Variants in MKI67 observed in about 807,000 individuals in gnomAD.
The protein encoded by MKI67 is marker of proliferation Ki-67.
In MKI67, 152 loss-of-function variants were observed where a neutral mutation model predicts 233.5. The observed-to-expected ratio is 0.65, with a 90% CI of 0.57 to 0.74. MKI67 has a LOEUF of 0.74. Among genes scored for constraint, MKI67 ranks in the 30% least tolerant of loss-of-function variants. The pLI, the probability that MKI67 is intolerant of heterozygous loss-of-function variation, is 0.00. For missense variants in MKI67, 3,940 were observed against 3,885.2 expected (o/e 1.01, Z -0.37); for synonymous variants, 1,465 against 1,418.5 (o/e 1.03, Z -0.74).
At position 128,103,638 on chromosome 10, in the gene MKI67, T is replaced by C. The variant is rs1852398931; in HGVS notation, c.8202A>G (p.Lys2734=). The change falls in exon 13 of 15, where the codon AAA becomes AAG. Residue 2734 remains lysine, a synonymous_variant. Transcript: ENST00000368654. ...LRTRVQKVQV[K]EEPSAVKFTQ... is the part of the protein sequence containing the mutation. ...TGAACTTGACTGCTGAAGGCTCTTC[T>C]TTTACTTGTACCTTCTGCACACGTG... 1 of 1,614,098 alleles carries C rather than the reference T, an allele frequency of 6.2e-7. No homozygotes were observed. Among genetic ancestry groups the C allele is most frequent in the Non-Finnish European group, 8.5e-7 (1 of 1,180,020 alleles).
rs747911886 is a variant in MKI67 at position 128,109,282 on chromosome 10, G to T, written c.2558C>A (p.Ser853Tyr). ...KTPRNTYKMT[S>Y]LETKTSDTET... ...AGTATCTGAAGTTTTTGTCTCCAGAGAAGTCATTTTGTAGGTGTTCCTGGG... is the reference window on the plus strand; with the variant it reads ...AGTATCTGAAGTTTTTGTCTCCAGATAAGTCATTTTGTAGGTGTTCCTGGG... Residue 853 changes from serine to tyrosine, a missense_variant, in exon 13 of 15, where the codon TCT becomes TAT. Coordinates refer to ENST00000368654, the MANE Select transcript of MKI67 (RefSeq NM_002417.5). 1.9e-6 allele frequency: 3 copies of T among 1,614,038 alleles called. No homozygotes were observed. Among genetic ancestry groups the T allele is most frequent in the East Asian group, 2.2e-5 (1 of 44,878 alleles).
rs538773021 is a variant in MKI67 at position 128,102,619 on chromosome 10, T to C, written c.9221A>G (p.Lys3074Arg). The change falls in exon 13 of 15, where the codon AAA (lysine) becomes AGA (arginine). Residue 3074 changes from lysine (K) to arginine (R), a missense_variant. Physicochemically the swap from Lys to Arg is conservative, Grantham distance 26. Coordinates refer to ENST00000368654, the MANE Select transcript of MKI67 (RefSeq NM_002417.5). The part of the protein sequence containing the change: ...ELNSNDMKTN[K>R]EEHKLQDSVP... ...CGAGTCTTGTAATTTGTGTTCCTCT[T>C]TGTTGGTTTTCATGTCGTTGCTGTT... is the stretch of plus-strand genomic sequence containing the variant. 2 of 1,614,212 alleles carry C rather than the reference T, an allele frequency of 1.2e-6. No individual in the cohort carries two copies. The highest frequency in any genetic ancestry group is 4.5e-5 in the East Asian group (2 of 44,886).
intron 14 of MKI67, among the ~76,000 whole-genome samples, chr10:128,100,401 C>T (rs970690092): frequency 5.9e-5 from 9 of 152,096 alleles, no homozygotes; most frequent in Admixed American, 5.9e-4. Context: ...TAGTTTGTGC[C>T]GAAGAGGGTC....
intron 14 of MKI67, among the ~76,000 whole-genome samples, chr10:128,099,635 C>T (rs1301647233): frequency 6.6e-6 from 1 of 152,188 alleles, no homozygotes; most frequent in African/African-American, 2.4e-5. Context: ...ACCAAGGAAC[C>T]CCTGTAGACA....
chr10:128,103,099 G>C lies in MKI67; in HGVS notation c.8741C>G (p.Pro2914Arg). ...QPRAPKEKAQ[P>R]LEDLASFQEL... ...TTGGAAGCTGGCCAGATCTTCCAGG[G>C]GTTGGGCCTTTTCCTTAGGTGCTCT... The change falls in exon 13 of 15, where the codon CCC becomes CGC. Residue 2914 changes from proline to arginine, a missense_variant. By Grantham distance (103) the Pro-to-Arg change is moderately radical. Coordinates refer to ENST00000368654, the MANE Select transcript of MKI67 (RefSeq NM_002417.5). 1.2e-6 allele frequency: 2 copies of C among 1,614,248 alleles called. No homozygotes were observed. Among genetic ancestry groups the C allele is most frequent in the Non-Finnish European group, 1.7e-6 (2 of 1,180,052 alleles).
Position 128,099,181 on chromosome 10 carries a change from A to AT in MKI67, c.*8dup. ...ACTTTATTATATTTTTCCCAGTTCG[A>AT]TTTTTCTGTCAAATATCTTCACTGT... On this transcript the variant is annotated 3_prime_UTR_variant, in exon 15 of 15. Transcript: ENST00000368654. 6.2e-7 allele frequency: 1 copy of AT among 1,604,760 alleles called. No homozygotes were observed. Among genetic ancestry groups the AT allele is most frequent in the Non-Finnish European group, 8.5e-7 (1 of 1,174,658 alleles).
Position 128,125,405 on chromosome 10 carries a change from A to C in MKI67, c.92+171T>G, listed in dbSNP as rs1349409348. 6.6e-6 allele frequency among the ~76,000 whole-genome samples: 1 copy of C among 152,216 alleles called. No homozygotes were observed. Among genetic ancestry groups the C allele is most frequent in the African/African-American group, 2.4e-5 (1 of 41,460 alleles). ...ACATACAAACTAGCATCAAATTTAT[A>C]CTTACAAAACAAAAAAACACAACTA... On this transcript the variant is annotated intron_variant, in intron 2 of 14. Coordinates refer to ENST00000368654, the MANE Select transcript of MKI67 (RefSeq NM_002417.5). This position sits in a 1 kb window ranked among gnomAD's most constrained non-coding sequence, Gnocchi z 5.3.
At position 128,119,282 on chromosome 10, in the gene MKI67, T is replaced by A. The variant is rs779944870; in HGVS notation, c.325A>T (p.Thr109Ser). 44 of 1,609,702 alleles carry A rather than the reference T, an allele frequency of 2.7e-5. No homozygotes were observed. Among genetic ancestry groups the A allele is most frequent in the Non-Finnish European group, 3.5e-5 (41 of 1,176,196 alleles). Residue 109 changes from threonine (T) to serine (S), a missense_variant, in exon 5 of 15, where the codon ACT becomes TCT. Coordinates refer to ENST00000368654, the MANE Select transcript of MKI67 (RefSeq NM_002417.5). ...TCACGTATTTTTCTTGGAAATTCAG[T>A]TGACTTCCTTCCATTCTGAAGACTT... Reference protein sequence around the residue: ...NESLQNGRKSTEFPRKIREQE... With the variant: ...NESLQNGRKSSEFPRKIREQE...
Position 128,122,992 on chromosome 10 carries a change from A to C in MKI67, c.176T>G (p.Ile59Arg). The change falls in exon 4 of 15, where the codon ATA (isoleucine) becomes AGA (arginine). Residue 59 changes from isoleucine (I) to arginine (R), a missense_variant. Coordinates refer to ENST00000368654, the MANE Select transcript of MKI67 (RefSeq NM_002417.5). Reference sequence around the variant, plus strand: ...ATTTGTGGAACTGAAATTATGTAATATTGCCTGCAAGTGAAAAGAAGGGGA... The same window carrying C: ...ATTTGTGGAACTGAAATTATGTAATCTTGCCTGCAAGTGAAAAGAAGGGGA... The part of the protein sequence containing the change: ...CKIEIHEQEA[I>R]LHNFSSTNPT... 2 of 1,595,274 alleles carry C rather than the reference A, an allele frequency of 1.3e-6. No individual in the cohort carries two copies. The highest frequency in any genetic ancestry group is 8.6e-7 in the Non-Finnish European group (1 of 1,163,592).
In MKI67 at chr10:128,101,352, T is replaced by C. The variant is rs1852329186; in HGVS notation, c.9611A>G (p.Lys3204Arg). The C allele has an allele frequency of 1.2e-6, 2 of 1,614,206 alleles. No homozygotes were observed. The highest frequency in any genetic ancestry group is 4.5e-5 in the East Asian group (2 of 44,880). The change falls in exon 14 of 15, where the codon AAG becomes AGG. Residue 3204 changes from lysine (K) to arginine (R), a missense_variant. Physicochemically the swap from Lys to Arg is conservative, Grantham distance 26. Coordinates refer to ENST00000368654, the MANE Select transcript of MKI67 (RefSeq NM_002417.5). ...GCTTGCTGCAGGCTGGCTTTTTGTC[T>C]TTCTTGATCTCAGGCACATGGAGTC... The part of the protein sequence containing the change: ...NSDSMCLRSR[K>R]TKSQPAASTL...
chr10:128,112,998 T>C (rs912559498), intron 8 of MKI67, among the ~76,000 whole-genome samples: 1 of 152,226 alleles, frequency 6.6e-6, no homozygotes, highest in African/African-American at 2.4e-5. Context: ...AAAAGGAAGA[T>C]GTGCCATTGA....
Position 128,101,321 on chromosome 10 carries a change from C to T in MKI67, c.9642G>A (p.Leu3214=), listed in dbSNP as rs1364284524. 1.9e-6 allele frequency: 3 copies of T among 1,614,102 alleles called. No individual in the cohort carries two copies. The highest frequency in any genetic ancestry group is 2.5e-6 in the Non-Finnish European group (3 of 1,180,030). ...TTACTCTCTGCACAGATTTGCTCTC[C>T]AAAGTGCTTGCTGCAGGCTGGCTTT... ...KTKSQPAAST[L]ESKSVQRVTR... The change falls in exon 14 of 15, where the codon TTG becomes TTA. Residue 3214 remains leucine (L), a synonymous_variant. Coordinates refer to ENST00000368654, the MANE Select transcript of MKI67 (RefSeq NM_002417.5).
At chr10:128,110,077 T>C (rs1852636645) in intron 12 of MKI67, among the ~76,000 whole-genome samples, 3 of 152,272 alleles carry the variant, frequency 2.0e-5, no homozygotes, top group Admixed American at 2.0e-4. Context: ...GTAAATATGG[T>C]GAGACACCAT....
In MKI67 at chr10:128,097,403, G is replaced by A. The variant is rs556491835; in HGVS notation, c.*1787C>T. 39 of 152,166 alleles carry A rather than the reference G, an allele frequency of 2.6e-4. No individual in the cohort carries two copies. The highest frequency in any genetic ancestry group is 8.9e-4 in the African/African-American group (37 of 41,524). The allele number at this position is 152,166 out of a possible 1,614,324, so 9.4% of individuals were successfully genotyped here. A position where few individuals can be genotyped will look rare whatever the true frequency, so the allele number is the denominator to read the frequency against. ...CTGTAAAATGAAAACCACCCTTAGC[G>A]TGCTCTTGAAATACTGTACTTACCA... On this transcript the variant is annotated 3_prime_UTR_variant, in exon 15 of 15. Transcript: ENST00000368654.
In MKI67 at chr10:128,125,735, A is replaced by ATAATCCGT; in HGVS notation, c.-69_-68insACGGATTA. The ATAATCCGT allele has an allele frequency of 3.0e-6, 4 of 1,342,740 alleles. No individual in the cohort carries two copies. Among genetic ancestry groups the ATAATCCGT allele is most frequent in the Non-Finnish European group, 4.3e-6 (4 of 933,588 alleles). 83.2% of individuals were successfully genotyped at this position (1,342,740 alleles called of 1,614,324 possible). On this transcript the variant is annotated 5_prime_UTR_variant, in exon 2 of 15. Coordinates refer to ENST00000368654, the MANE Select transcript of MKI67 (RefSeq NM_002417.5). This position sits in a 1 kb window ranked among gnomAD's most constrained non-coding sequence, Gnocchi z 5.3. The stretch of plus-strand genomic sequence containing the variant: ...GGTATAATCCGTAGGGGAAGGCCAG[A>ATAATCCGT]AGCAAATTTACAACTCTTCCACTGC...
Position 128,104,853 on chromosome 10 carries a change from G to C in MKI67, c.6987C>G (p.Asp2329Glu), listed in dbSNP as rs758631366. The change falls in exon 13 of 15, where the codon GAC becomes GAG. Residue 2329 changes from aspartate to glutamate, a missense_variant. Coordinates refer to ENST00000368654, the MANE Select transcript of MKI67 (RefSeq NM_002417.5). ...FKELFQTPGT[D>E]KPTTDEKTTK... ...TAGTTTTCTCATCAGTCGTGGGCTT[G>C]TCAGTGCCTGGTGTCTGGAAGAGCT... 38 of 1,611,540 alleles carry C rather than the reference G, an allele frequency of 2.4e-5. 1 individual carries two copies. The highest frequency in any genetic ancestry group is 1.7e-4 in the Middle Eastern group (1 of 6,044).
rs914638567 is a variant in MKI67, at chr10:128,112,045, A to G, written c.1970T>C (p.Val657Ala). 1 of 1,609,712 alleles carries G rather than the reference A, an allele frequency of 6.2e-7. No individual in the cohort carries two copies. Among genetic ancestry groups the G allele is most frequent in the African/African-American group, 1.3e-5 (1 of 74,492 alleles). ...RSGASEANLI[V>A]AKSWADVVKL... ...TACTACATCTGCCCATGATTTTGCA[A>G]CTGTCAAAGGGAAAAGACGAAACTT... is the stretch of plus-strand genomic sequence containing the variant. Residue 657 changes from valine to alanine, a missense_variant and splice_region_variant, in exon 10 of 15, where the codon GTT becomes GCT. Transcript: ENST00000368654.
rs201295589 is a variant in MKI67, at chr10:128,106,949, G to A, written c.4891C>T (p.Arg1631Ter). The change falls in exon 13 of 15, where the codon CGA becomes TGA. Residue 1631 changes from arginine (R) to a stop codon, truncating the protein, a stop_gained. Transcript: ENST00000368654. LOFTEE classifies it high-confidence loss of function. ...TTCCCCAGGGATGTCTTGAGCCGTC[G>A]CTTGGAGCTTGCTGGGTTTTTGTCT... is the stretch of plus-strand genomic sequence containing the variant. ...DPDKNPASSK[R>*]RLKTSLGKVG... 1.9e-6 allele frequency: 3 copies of A among 1,613,976 alleles called. No homozygotes were observed. The highest frequency in any genetic ancestry group is 1.3e-5 in the African/African-American group (1 of 74,868).
In MKI67 at chr10:128,115,891, C is replaced by T; in HGVS notation, c.517G>A (p.Asp173Asn). Reference protein sequence around the residue: ...KEDSTADDSKDSVAQGTTNVH... With the variant: ...KEDSTADDSKNSVAQGTTNVH... ...TTAGTTGTTCCCTGAGCAACACTGTCTTTTGAGTCATCTGCGGTACTGTCT... is the reference window on the plus strand; with the variant it reads ...TTAGTTGTTCCCTGAGCAACACTGTTTTTTGAGTCATCTGCGGTACTGTCT... Residue 173 changes from aspartate (D) to asparagine (N), a missense_variant, in exon 7 of 15, where the codon GAC becomes AAC. Coordinates refer to ENST00000368654, the MANE Select transcript of MKI67 (RefSeq NM_002417.5). 3 of 1,609,924 alleles carry T rather than the reference C, an allele frequency of 1.9e-6. No individual in the cohort carries two copies. Among genetic ancestry groups the T allele is most frequent in the Non-Finnish European group, 2.5e-6 (3 of 1,180,036 alleles).
Sources: gnomAD v4.1 joint callset for allele counts (sites outside exome capture counted in the v4.1 genomes callset) on GRCh38, gnomAD v4.1.1 for gene constraint, Gnocchi (gnomAD v3.1) non-coding constraint, MANE v1.5 for transcripts, NCBI Gene and HGNC (gene_info 2026-07-23, HGNC 2026-07-21) for gene names.